The following GRIP2 variants were observed in gnomAD, a reference collection of about 807,000 sequenced individuals.
GRIP2 encodes glutamate receptor-interacting protein 2.
GRIP2 carries 58 observed loss-of-function variants against 108.3 expected under a neutral mutation model. That is an observed-to-expected ratio of 0.54 (90% CI 0.43 to 0.67). GRIP2 has a LOEUF of 0.67. GRIP2 is among the 30% of genes least tolerant of loss of function. The pLI, the probability that GRIP2 is intolerant of heterozygous loss-of-function variation, is 0.00. For synonymous variants in GRIP2, 586 were observed against 598.2 expected, an observed-to-expected ratio of 0.98 and a Z score of 0.30; for missense variants, 1,278 against 1,430.6, an observed-to-expected ratio of 0.89 and a Z score of 1.72.
At chr3:14,601,323 T>G in the GRIP2 span, among the ~76,000 whole-genome samples, 1 of 152,050 alleles carries the variant, frequency 6.6e-6, no homozygotes, top group Non-Finnish European at 1.5e-5. Context: ...CAGACGAAAG[T>G]TAGTGGTGGG....
chr3:14,595,879 T>C, the GRIP2 span, among the ~76,000 whole-genome samples: 1 of 152,204 alleles, frequency 6.6e-6, no homozygotes, highest in Non-Finnish European at 1.5e-5. Context: ...CCCCTTCTCT[T>C]CTTTATTTCA....
chr3:14,527,768 C>T (rs922561309), intron 1 of GRIP2, among the ~76,000 whole-genome samples: 1 of 152,028 alleles, frequency 6.6e-6, no homozygotes, highest in African/African-American at 2.4e-5. Flanking sequence ...TGGTGGCAGG[C>T]ACCTGTAATC....
the GRIP2 span, chr3:14,572,987 G>C: frequency 6.7e-7 from 1 of 1,482,438 alleles, no homozygotes. Flanking sequence ...GGCCCAGGAA[G>C]ACCACCTGAA....
intron 21 of GRIP2, among the ~76,000 whole-genome samples, chr3:14,498,675 G>C (rs1185576042): frequency 6.6e-6 from 1 of 152,172 alleles, no homozygotes. Context: ...GAATCAGGGA[G>C]TCCAGGCATC....
chr3:14,531,686 A>C (rs549453682), intron 1 of GRIP2, among the ~76,000 whole-genome samples: 1 of 152,336 alleles, frequency 6.6e-6, no homozygotes, highest in South Asian at 2.1e-4. Context: ...ACGAGGAAAC[A>C]GGCTCAGAAA....
chr3:14,521,873 G>T lies in GRIP2; in HGVS notation c.567-86C>A, dbSNP rs1011150030. Reference sequence around the variant, plus strand: ...GGAGGGCGCTGGGAAGCGGGACATGGAGGATGAAGAAGCAGGGAATGGGTG... The same window carrying T: ...GGAGGGCGCTGGGAAGCGGGACATGTAGGATGAAGAAGCAGGGAATGGGTG... On this transcript the variant is annotated intron_variant, in intron 6 of 23. Coordinates refer to ENST00000621039, the MANE Select transcript of GRIP2 (RefSeq NM_001080423.4). This position sits in a 1 kb window ranked among gnomAD's most constrained non-coding sequence, Gnocchi z 5.1. 1.8e-5 allele frequency: 23 copies of T among 1,251,912 alleles called. No homozygotes were observed. The African/African-American group carries it at 3.2e-4, about 17-fold the overall frequency. The allele number at this position is 1,251,912 out of a possible 1,614,324, so 77.6% of individuals were successfully genotyped here. A position where few individuals can be genotyped will look rare whatever the true frequency, so the allele number is the denominator to read the frequency against.
At chr3:14,513,867 C>T in intron 12 of GRIP2, 57 bp from the exon 13 acceptor site, 1 of 1,584,010 alleles carries the variant, frequency 6.3e-7, no homozygotes, top group African/African-American at 1.3e-5. Context: ...CATTGGGAGA[C>T]AAGAACGCCA....
rs564160603 is a variant in GRIP2 at position 14,520,533 on chromosome 3, C to T, written c.717G>A (p.Thr239=). The change falls in exon 8 of 24, where the codon ACG becomes ACA. Residue 239 remains threonine (T), a synonymous_variant. Transcript: ENST00000621039. ...QVEYDVATPD[T]VANASGPLMV... ...TCAAGGGTCCCGAAGCATTAGCCAC[C>T]GTGTCTGGCATGACGGAGAAAAAAA... 23 of 1,613,880 alleles carry T rather than the reference C, an allele frequency of 1.4e-5. No individual in the cohort carries two copies. Among genetic ancestry groups the T allele is most frequent in the Admixed American group, 1.0e-4 (6 of 60,010 alleles).
chr3:14,520,463 G>T lies in GRIP2; in HGVS notation c.787C>A (p.Leu263Ile), dbSNP rs376716716. 6.2e-7 allele frequency: 1 copy of T among 1,613,942 alleles called. No homozygotes were observed. Among genetic ancestry groups the T allele is most frequent in the South Asian group, 1.1e-5 (1 of 91,056 alleles). The change falls in exon 8 of 24, where the codon CTC becomes ATC. Residue 263 changes from leucine to isoleucine, a missense_variant. By Grantham distance (5) the Leu-to-Ile change is conservative (BLOSUM62 2). Transcript: ENST00000621039. ...KTPGSALGISLTTTSLRNKSV... is the reference protein window; with the variant it reads ...KTPGSALGISITTTSLRNKSV... Reference sequence around the variant, plus strand: ...TTGTTCCGGAGGGAGGTGGTGGTGAGCGAGATCCCCAGGGCAGACCCTGGC... The same window carrying T: ...TTGTTCCGGAGGGAGGTGGTGGTGATCGAGATCCCCAGGGCAGACCCTGGC...
intron 1 of GRIP2, among the ~76,000 whole-genome samples, chr3:14,550,141 G>C (rs953497556): frequency 6.6e-6 from 1 of 152,192 alleles, no homozygotes; most frequent in Non-Finnish European, 1.5e-5. Flanking sequence ...AGTGCCTGCT[G>C]CCTGGCAGCT....
At position 14,511,184 on chromosome 3, in the gene GRIP2, C is replaced by A; in HGVS notation, c.1914G>T (p.Arg638=). 6.2e-7 allele frequency: 1 copy of A among 1,613,990 alleles called. No homozygotes were observed. Among genetic ancestry groups the A allele is most frequent in the Non-Finnish European group, 8.5e-7 (1 of 1,179,878 alleles). The change falls in exon 16 of 24, where the codon CGG becomes CGT. Residue 638 remains arginine (R), a synonymous_variant. Coordinates refer to ENST00000621039, the MANE Select transcript of GRIP2 (RefSeq NM_001080423.4). This position sits in a 1 kb window ranked among gnomAD's most constrained non-coding sequence, Gnocchi z 4.1. ...CCATACCAGAGTTGTCCTCGTCCTT[C>A]CGGATCTTCAGCTTCACCAGGTCCT... is the stretch of plus-strand genomic sequence containing the variant. ...QCEDLVKLKI[R]KDEDNSDELE...
At chr3:14,536,320 G>A (rs1487410628) in intron 1 of GRIP2, among the ~76,000 whole-genome samples, 3 of 152,326 alleles carry the variant, frequency 2.0e-5, no homozygotes, top group East Asian at 3.9e-4. Flanking sequence ...GAGGCCCAGA[G>A]AAGCCACTGA....
intron 21 of GRIP2, among the ~76,000 whole-genome samples, chr3:14,499,860 C>G (rs1030362411): frequency 3.9e-5 from 6 of 152,108 alleles, no homozygotes; most frequent in Non-Finnish European, 8.8e-5. Flanking sequence ...ATAAAATACA[C>G]TAACGTTAAC....
At chr3:14,520,872 T>C (rs776697366) in intron 7 of GRIP2, 1 of 272,824 alleles carries the variant, frequency 3.7e-6, no homozygotes, top group East Asian at 8.2e-5. Context: ...CCCATCCCCA[T>C]CTCAGGAAAT....
chr3:14,575,561 CTGTGGGATAT>C, the GRIP2 span, among the ~76,000 whole-genome samples: 20 of 152,210 alleles, frequency 1.3e-4, no homozygotes, highest in Non-Finnish European at 2.6e-4. Context: ...CAGAACTGTC[CTGTGGGATAT>C]TCGCTTTAAT....
chr3:14,523,277 T>G (rs1047130914), intron 5 of GRIP2: 4 of 586,824 alleles, frequency 6.8e-6, no homozygotes, highest in African/African-American at 5.6e-5. Flanking sequence ...ATGACCAAAG[T>G]CTTCTCTCTG....
intron 1 of GRIP2, among the ~76,000 whole-genome samples, chr3:14,550,832 G>A (rs1378698201): frequency 6.6e-6 from 1 of 152,160 alleles, no homozygotes; most frequent in Non-Finnish European, 1.5e-5. Context: ...GAGGAGCAAG[G>A]ATCTTGCCCA....
In GRIP2 at chr3:14,507,391, C is replaced by G. The variant is rs6786611; in HGVS notation, c.2218+170G>C. ...ATTCTGCCCCGTGCCCACTGTGTGG[C>G]CCTGGGCTCATCACTTCCCTCTCTG... On this transcript the variant is annotated intron_variant, in intron 18 of 23. Coordinates refer to ENST00000621039, the MANE Select transcript of GRIP2 (RefSeq NM_001080423.4). The surrounding 1 kb of genome is among the most constrained non-coding windows in gnomAD (Gnocchi z 4.6). Among the ~76,000 whole-genome samples the G allele has an allele frequency of 9.5e-4, 145 of 152,362 alleles. 5 individuals are homozygous for G. The South Asian group carries it at 0.028, about 30-fold the overall frequency.
the GRIP2 span, among the ~76,000 whole-genome samples, chr3:14,593,155 A>T: frequency 2.0e-5 from 3 of 152,362 alleles, no homozygotes; most frequent in East Asian, 5.8e-4. Flanking sequence ...AGCCCAGCAC[A>T]GCTCAGGTGC....
Sources: allele counts gnomAD v4.1 joint callset (sites outside exome capture counted in the v4.1 genomes callset), GRCh38; gene constraint gnomAD v4.1.1; non-coding constraint Gnocchi (gnomAD v3.1); transcripts MANE v1.5; gene names NCBI Gene and HGNC (gene_info 2026-07-23, HGNC 2026-07-21).